Variants in CAMK1D observed in about 807,000 individuals in gnomAD.
CAMK1D encodes calcium/calmodulin-dependent protein kinase type 1D.
Under a neutral mutation model 47.7 loss-of-function variants are expected in CAMK1D, and 9 were observed. The ratio of observed to expected loss-of-function variants is 0.19; its 90% CI spans 0.11 to 0.33. CAMK1D has a LOEUF of 0.33. CAMK1D is among the 10% of genes least tolerant of loss of function. CAMK1D has a pLI of 1.00. For missense variants in CAMK1D, 291 were observed against 488.7 expected (o/e 0.60, Z 3.81); for synonymous variants, 184 against 184.9 (o/e 0.99, Z 0.04).
chr10:12,532,790 A>G, intron 1 of CAMK1D, among the ~76,000 whole-genome samples: 1 of 152,178 alleles, frequency 6.6e-6, no homozygotes, highest in Middle Eastern at 3.2e-3. Context: ...GTCATTTTCA[A>G]CAACATGGAT....
At chr10:12,545,453 TA>T (rs59666684) in intron 1 of CAMK1D, among the ~76,000 whole-genome samples, 15,371 of 52,250 alleles carry the variant, frequency 0.29, 1,345 homozygotes, top group Non-Finnish European at 0.32. Flanking sequence ...CATCTCACAG[TA>T]AAAAAAAAAA....
chr10:12,580,445 T>G (rs1325473034), intron 2 of CAMK1D, among the ~76,000 whole-genome samples: 1 of 151,200 alleles, frequency 6.6e-6, no homozygotes, highest in East Asian at 2.0e-4. Context: ...AGCTAGTGAC[T>G]CTGCAATTGT....
At position 12,479,490 on chromosome 10, in the gene CAMK1D, C is replaced by T. The variant is rs571444036; in HGVS notation, c.93-73735C>T. Among the ~76,000 whole-genome samples, 10 of 152,320 alleles carry T rather than the reference C, an allele frequency of 6.6e-5. No individual in the cohort carries two copies. The South Asian group carries it at 1.0e-3, about 16-fold the overall frequency. ...GGATTATAGGCGCCAGCACCGAGCCCGGCCGAGAAGCTGCATTTCTAACAA... is the reference window on the plus strand; with the variant it reads ...GGATTATAGGCGCCAGCACCGAGCCTGGCCGAGAAGCTGCATTTCTAACAA... On this transcript the variant is annotated intron_variant, in intron 1 of 10. Transcript: ENST00000619168.
chr10:12,508,104 A>G (rs1466226761), intron 1 of CAMK1D, among the ~76,000 whole-genome samples: 3 of 152,206 alleles, frequency 2.0e-5, no homozygotes, highest in Admixed American at 6.5e-5. Flanking sequence ...AGCTCTAGGA[A>G]GACGATTCCC....
chr10:12,757,095 G>T (rs1323714257), intron 3 of CAMK1D, among the ~76,000 whole-genome samples: 1 of 152,028 alleles, frequency 6.6e-6, no homozygotes, highest in Non-Finnish European at 1.5e-5. Flanking sequence ...ATCCTAAGAA[G>T]CTGAGCCTCT....
intron 3 of CAMK1D, among the ~76,000 whole-genome samples, chr10:12,679,592 A>G (rs1323424716): frequency 6.6e-6 from 1 of 152,218 alleles, no homozygotes; most frequent in East Asian, 1.9e-4. Context: ...TTATTAAAGA[A>G]ACAGCACTCT....
At chr10:12,765,770 G>A (rs773952545) in intron 4 of CAMK1D, among the ~76,000 whole-genome samples, 6 of 152,032 alleles carry the variant, frequency 3.9e-5, no homozygotes, top group Non-Finnish European at 8.8e-5. Context: ...GGTCCCAAGC[G>A]GGTTTCCGGT....
chr10:12,624,208 G>C (rs908425321), intron 2 of CAMK1D, among the ~76,000 whole-genome samples: 1 of 152,132 alleles, frequency 6.6e-6, no homozygotes, highest in African/African-American at 2.4e-5. Flanking sequence ...ATGAGAGTGT[G>C]TGCGTGTGTG....
intron 2 of CAMK1D, among the ~76,000 whole-genome samples, chr10:12,565,082 G>A (rs1227352964): frequency 1.3e-5 from 2 of 152,054 alleles, no homozygotes; most frequent in Non-Finnish European, 2.9e-5. Context: ...GTAGTGGCAT[G>A]TGCCTGTAGT....
Position 12,694,184 on chromosome 10 carries a change from A to C in CAMK1D, c.299+27374A>C, listed in dbSNP as rs12780732. On this transcript the variant is annotated intron_variant, in intron 3 of 10. Coordinates refer to ENST00000619168, the MANE Select transcript of CAMK1D (RefSeq NM_153498.4). ...ATTATGCATAATATATATTATATAT[A>C]ATATAATATATATTATATATTATGT... 4.3e-3 allele frequency among the ~76,000 whole-genome samples: 75 copies of C among 17,330 alleles called. 21 individuals carry two copies. Among genetic ancestry groups the C allele is most frequent in the Non-Finnish European group, 6.2e-3 (70 of 11,284 alleles). 11.4% of individuals were successfully genotyped at this position (17,330 alleles called of 152,430 possible).
chr10:12,570,884 G>C (rs1041896382), intron 2 of CAMK1D, among the ~76,000 whole-genome samples: 5 of 152,106 alleles, frequency 3.3e-5, no homozygotes, highest in African/African-American at 9.7e-5. Context: ...CCCAGAGGCG[G>C]AGGTTGTAGT....
chr10:12,365,611 TG>T (rs1185541646), intron 1 of CAMK1D, among the ~76,000 whole-genome samples: 3 of 152,068 alleles, frequency 2.0e-5, no homozygotes, highest in African/African-American at 7.2e-5. Context: ...GCTAATTTTT[TG>T]TATTTTTAGT....
intron 1 of CAMK1D, among the ~76,000 whole-genome samples, chr10:12,467,103 A>G (rs1290401943): frequency 3.3e-5 from 5 of 152,120 alleles, no homozygotes; most frequent in Admixed American, 1.3e-4. Flanking sequence ...AGATGCTGCC[A>G]TGTGGAACGT....
intron 3 of CAMK1D, among the ~76,000 whole-genome samples, chr10:12,749,654 G>C (rs914916534): frequency 6.6e-6 from 1 of 151,880 alleles, no homozygotes; most frequent in Non-Finnish European, 1.5e-5. Context: ...TGCCTCCTGG[G>C]CTCAAGCAAT....
At chr10:12,379,944 G>A (rs1838292607) in intron 1 of CAMK1D, among the ~76,000 whole-genome samples, 1 of 152,146 alleles carries the variant, frequency 6.6e-6, no homozygotes, top group Non-Finnish European at 1.5e-5. Flanking sequence ...GCCGGGCGCG[G>A]TGGCTCACGC....
At chr10:12,774,039 C>T (rs1455098358) in intron 5 of CAMK1D, among the ~76,000 whole-genome samples, 1 of 142,656 alleles carries the variant, frequency 7.0e-6, no homozygotes, top group Non-Finnish European at 1.5e-5. Context: ...TTATTTATTG[C>T]CTACCTTCTG....
At chr10:12,519,812 T>A (rs1588582510) in intron 1 of CAMK1D, among the ~76,000 whole-genome samples, 1 of 10,302 alleles carries the variant, frequency 9.7e-5, no homozygotes, top group African/African-American at 3.7e-4. Context: ...CCCACCTCCC[T>A]CCCGGACGGG....
chr10:12,395,126 C>T (rs577646200), intron 1 of CAMK1D, among the ~76,000 whole-genome samples: 11 of 137,626 alleles, frequency 8.0e-5, no homozygotes, highest in African/African-American at 3.0e-4. Context: ...GGCTGGAGTG[C>T]AGTGGTGCGA....
chr10:12,685,162 G>A lies in CAMK1D; in HGVS notation c.299+18352G>A, dbSNP rs187045726. On this transcript the variant is annotated intron_variant, in intron 3 of 10. Transcript: ENST00000619168. ...CTAAAAATACGAAAATTAGCCAGGCGTGGTGGTGCATGCCTGTAGTCCCAG... is the reference window on the plus strand; with the variant it reads ...CTAAAAATACGAAAATTAGCCAGGCATGGTGGTGCATGCCTGTAGTCCCAG... Among the ~76,000 whole-genome samples the A allele has an allele frequency of 3.7e-4, 56 of 152,172 alleles. 2 individuals are homozygous for A. Among genetic ancestry groups the A allele is most frequent in the Non-Finnish European group, 2.5e-4 (17 of 68,028 alleles).
Sources: gnomAD v4.1 joint callset for allele counts (sites outside exome capture counted in the v4.1 genomes callset) on GRCh38, gnomAD v4.1.1 for gene constraint, MANE v1.5 for transcripts, NCBI Gene and HGNC (gene_info 2026-07-23, HGNC 2026-07-21) for gene names.